Variants in TAFA2 observed in about 807,000 individuals in gnomAD.
The protein encoded by TAFA2 is chemokine-like protein TAFA-2.
A neutral mutation model predicts 18.8 loss-of-function variants in TAFA2; 7 were observed. The ratio of observed to expected loss-of-function variants is 0.37; its 90% CI spans 0.21 to 0.70. TAFA2 has a LOEUF of 0.70. Ranked by LOEUF, TAFA2 falls within the 30% of genes least tolerant of loss-of-function variation. The probability of loss-of-function intolerance (pLI) is 0.53; values close to 1 mark genes in which losing one functional copy is unlikely to be tolerated. For synonymous variants in TAFA2, 60 were observed against 54.2 expected (o/e 1.11, Z -0.47); for missense variants, 122 against 158.1 (o/e 0.77, Z 1.23).
At chr12:62,043,549 C>T (rs1226336453) in intron 1 of TAFA2, among the ~76,000 whole-genome samples, 1 of 151,994 alleles carries the variant, frequency 6.6e-6, no homozygotes, top group Non-Finnish European at 1.5e-5. Context: ...ACCAACATGG[C>T]ACATGTATAC....
chr12:61,928,587 C>A (rs1462179052), intron 1 of TAFA2, among the ~76,000 whole-genome samples: 2 of 152,122 alleles, frequency 1.3e-5, no homozygotes, highest in Non-Finnish European at 2.9e-5. Context: ...TTAGTTCAAC[C>A]ATTGTGGAAG....
intron 4 of TAFA2, among the ~76,000 whole-genome samples, chr12:61,726,928 T>C (rs1870195826): frequency 6.6e-6 from 1 of 152,108 alleles, no homozygotes; most frequent in Admixed American, 6.6e-5. Context: ...CTGAGGGTTT[T>C]AATCATAAAG....
intron 1 of TAFA2, chr12:61,879,389 C>G: frequency 1.3e-6 from 1 of 754,896 alleles, no homozygotes; most frequent in African/African-American, 1.7e-5. Flanking sequence ...GCAGCCGCTT[C>G]CTACACGAGT....
chr12:62,170,445 T>C (rs2136940181), intron 1 of TAFA2, among the ~76,000 whole-genome samples: 1 of 152,306 alleles, frequency 6.6e-6, no homozygotes, highest in East Asian at 1.9e-4. Context: ...CTTGTCCAAC[T>C]TGTACATCAA....
chr12:61,943,498 C>A (rs959141796), intron 1 of TAFA2, among the ~76,000 whole-genome samples: 3 of 143,626 alleles, frequency 2.1e-5, no homozygotes, highest in African/African-American at 7.7e-5. Flanking sequence ...AATTAAAAGA[C>A]ACAGACTGGC....
chr12:62,094,710 C>T (rs752933251), intron 1 of TAFA2, among the ~76,000 whole-genome samples: 2 of 151,692 alleles, frequency 1.3e-5, no homozygotes, highest in African/African-American at 2.4e-5. Context: ...TTATAAGAAA[C>T]TTGTAAGATA....
chr12:61,925,811 G>A (rs1029801238), intron 1 of TAFA2, among the ~76,000 whole-genome samples: 6 of 151,950 alleles, frequency 3.9e-5, no homozygotes, highest in East Asian at 1.9e-4. Flanking sequence ...AAGAGCAAAC[G>A]AATTCAAAAG....
At chr12:61,794,714 C>G (rs992795947) in intron 2 of TAFA2, among the ~76,000 whole-genome samples, 2 of 151,872 alleles carry the variant, frequency 1.3e-5, no homozygotes, top group Non-Finnish European at 2.9e-5. Flanking sequence ...AAAATGCCCC[C>G]AAAAATTGAC....
At chr12:61,953,449 G>A (rs1051496561) in intron 1 of TAFA2, among the ~76,000 whole-genome samples, 1 of 149,014 alleles carries the variant, frequency 6.7e-6, no homozygotes, top group African/African-American at 2.6e-5. Context: ...TATATTGTAG[G>A]ATAAAGGAAA....
At chr12:61,870,447 AT>A (rs1874548979) in intron 1 of TAFA2, among the ~76,000 whole-genome samples, 1 of 152,170 alleles carries the variant, frequency 6.6e-6, no homozygotes, top group Admixed American at 6.5e-5. Context: ...CTATGGCCAA[AT>A]ATGTCTTTAT....
intron 1 of TAFA2, among the ~76,000 whole-genome samples, chr12:61,886,247 C>T (rs1875371576): frequency 6.6e-6 from 1 of 152,150 alleles, no homozygotes; most frequent in African/African-American, 2.4e-5. Context: ...AGTTACATCA[C>T]ACTGGTCAGT....
intron 1 of TAFA2, among the ~76,000 whole-genome samples, chr12:61,938,497 T>C (rs2121413410): frequency 1.3e-5 from 2 of 152,188 alleles, no homozygotes; most frequent in South Asian, 4.1e-4. Context: ...AGGGAGAGGA[T>C]CAGAGATTTC....
intron 2 of TAFA2, among the ~76,000 whole-genome samples, chr12:61,823,374 TA>T (rs199549177): frequency 4.0e-5 from 6 of 151,428 alleles, no homozygotes; most frequent in East Asian, 3.9e-4. Context: ...TTAAATGTTG[TA>T]AAAAAAAATT....
At chr12:61,789,487 G>A (rs575096119) in intron 2 of TAFA2, among the ~76,000 whole-genome samples, 122 of 151,836 alleles carry the variant, frequency 8.0e-4, no homozygotes, top group African/African-American at 2.8e-3. Context: ...TGGGAGCTGA[G>A]CAATGAGAAC....
At chr12:61,914,210 A>G (rs778473023) in intron 1 of TAFA2, among the ~76,000 whole-genome samples, 5 of 152,208 alleles carry the variant, frequency 3.3e-5, no homozygotes, top group Non-Finnish European at 7.3e-5. Flanking sequence ...GGACAGTGCT[A>G]AAAGTTCAAC....
At chr12:62,139,353 T>G (rs970456723) in intron 1 of TAFA2, among the ~76,000 whole-genome samples, 2 of 152,116 alleles carry the variant, frequency 1.3e-5, no homozygotes, top group African/African-American at 2.4e-5. Flanking sequence ...GCAGAATTCA[T>G]TTTCCCCATT....
Position 62,192,066 on chromosome 12 carries a change from C to T in TAFA2, c.-809G>A, listed in dbSNP as rs2062628154. The T allele has an allele frequency of 6.6e-6, 1 of 152,544 alleles. No individual in the cohort carries two copies. The highest frequency in any genetic ancestry group is 1.5e-5 in the Non-Finnish European group (1 of 68,378). 9.4% of individuals were successfully genotyped at this position (152,544 alleles called of 1,614,324 possible). On this transcript the variant is annotated 5_prime_UTR_variant, in exon 1 of 5. Coordinates refer to ENST00000416284, the MANE Select transcript of TAFA2 (RefSeq NM_178539.5). ...GTCCCCCCTCCAGACGCCCGCGTTC[C>T]TCCGTCCAGGTGCCCCTGTTCCCAC...
At chr12:61,842,444 C>A (rs2198775) in intron 2 of TAFA2, among the ~76,000 whole-genome samples, 43,878 of 151,620 alleles carry the variant, frequency 0.29, 6,949 homozygotes, top group South Asian at 0.4. Flanking sequence ...AAATGTCTGA[C>A]ATTTTCAAAT....
At chr12:62,242,147 G>A (rs2062865654) in intron 1 of TAFA2, among the ~76,000 whole-genome samples, 1 of 152,170 alleles carries the variant, frequency 6.6e-6, no homozygotes, top group South Asian at 2.1e-4. Context: ...AAGGTCAGAT[G>A]TGTCCAGTGT....
Sources: gnomAD v4.1 joint callset for allele counts (sites outside exome capture counted in the v4.1 genomes callset) on GRCh38, gnomAD v4.1.1 for gene constraint, MANE v1.5 for transcripts, NCBI Gene and HGNC (gene_info 2026-07-23, HGNC 2026-07-21) for gene names.